Variants in SHISA9 observed in about 807,000 individuals in gnomAD.
SHISA9 encodes shisa family member 9.
In SHISA9, 13 loss-of-function variants were observed where a neutral mutation model predicts 38.0. That is an observed-to-expected ratio of 0.34 (90% CI 0.22 to 0.54). SHISA9 has a LOEUF of 0.54. Ranked by LOEUF, SHISA9 falls within the 20% of genes least tolerant of loss-of-function variation. The pLI is 0.91. For missense variants in SHISA9, 538 were observed against 575.8 expected, an observed-to-expected ratio of 0.93 and a Z score of 0.67; for synonymous variants, 275 against 242.0, an observed-to-expected ratio of 1.14 and a Z score of -1.27.
intron 2 of SHISA9, among the ~76,000 whole-genome samples, chr16:13,133,905 A>G (rs181542897): frequency 1.3e-5 from 2 of 152,336 alleles, no homozygotes; most frequent in East Asian, 1.9e-4. Flanking sequence ...CATTGTTTCA[A>G]ATTGCTTGTG....
chr16:12,926,015 C>A (rs567256198), intron 2 of SHISA9, among the ~76,000 whole-genome samples: 2 of 152,072 alleles, frequency 1.3e-5, no homozygotes, highest in Admixed American at 1.3e-4. Context: ...CGTGAGCCAC[C>A]GTGCCTGGAC....
chr16:13,324,478 A>G, the SHISA9 span, among the ~76,000 whole-genome samples: 3 of 152,112 alleles, frequency 2.0e-5, no homozygotes, highest in Non-Finnish European at 4.4e-5. Context: ...ATTAAGGCAG[A>G]GTGGTTCAAA....
chr16:13,481,669 G>C, the SHISA9 span, among the ~76,000 whole-genome samples: 1 of 152,170 alleles, frequency 6.6e-6, no homozygotes, highest in Non-Finnish European at 1.5e-5. Flanking sequence ...AGAGGCTACT[G>C]GGTAAATTAT....
chr16:13,003,268 A>C (rs11647144), intron 2 of SHISA9, among the ~76,000 whole-genome samples: 1 of 152,032 alleles, frequency 6.6e-6, no homozygotes, highest in South Asian at 2.1e-4. Context: ...AACCATGGAC[A>C]TGTTTCAAGG....
chr16:13,078,564 C>T (rs1204833375), intron 2 of SHISA9, among the ~76,000 whole-genome samples: 1 of 152,022 alleles, frequency 6.6e-6, no homozygotes, highest in Non-Finnish European at 1.5e-5. Context: ...CACCACCATG[C>T]CTGGATAATT....
chr16:12,932,936 C>A (rs62029751), intron 2 of SHISA9, among the ~76,000 whole-genome samples: 36,575 of 152,028 alleles, frequency 0.24, 4,821 homozygotes, highest in East Asian at 0.35. Context: ...CGTGTGCCAT[C>A]TATTTACTCT....
chr16:13,097,759 A>G (rs536066824), intron 2 of SHISA9, among the ~76,000 whole-genome samples: 1 of 152,070 alleles, frequency 6.6e-6, no homozygotes, highest in Non-Finnish European at 1.5e-5. Flanking sequence ...TCCTATATAG[A>G]GTGCAGCTTA....
At chr16:12,985,517 A>G (rs1342653292) in intron 2 of SHISA9, among the ~76,000 whole-genome samples, 1 of 152,080 alleles carries the variant, frequency 6.6e-6, no homozygotes, top group Non-Finnish European at 1.5e-5. Flanking sequence ...TTACGTTTTA[A>G]CTCTTGTTAC....
intron 2 of SHISA9, among the ~76,000 whole-genome samples, chr16:13,059,440 A>G (rs1405104495): frequency 6.6e-6 from 1 of 152,022 alleles, no homozygotes; most frequent in African/African-American, 2.4e-5. Flanking sequence ...CAGATAGACT[A>G]TTTACAGAGG....
chr16:13,527,889 TG>T, the SHISA9 span, among the ~76,000 whole-genome samples: 3 of 152,188 alleles, frequency 2.0e-5, no homozygotes, highest in Admixed American at 6.5e-5. Context: ...TCTATAGGAA[TG>T]GAATTTACAA....
At chr16:12,932,762 TAG>T (rs1272718747) in intron 2 of SHISA9, among the ~76,000 whole-genome samples, 3 of 152,106 alleles carry the variant, frequency 2.0e-5, no homozygotes, top group Non-Finnish European at 2.9e-5. Context: ...CCATCCAGAG[TAG>T]GCAAGTAGGT....
intron 2 of SHISA9, among the ~76,000 whole-genome samples, chr16:13,019,549 T>C (rs1179156353): frequency 1.3e-5 from 2 of 152,106 alleles, no homozygotes; most frequent in Non-Finnish European, 2.9e-5. Flanking sequence ...TAGGTGTACA[T>C]TTAATGGCGT....
At chr16:13,478,148 G>A in the SHISA9 span, among the ~76,000 whole-genome samples, 6 of 152,042 alleles carry the variant, frequency 3.9e-5, no homozygotes, top group African/African-American at 1.2e-4. Context: ...GGAACCTGCC[G>A]GGGAAACATG....
In SHISA9 at chr16:13,027,859, G is replaced by A. The variant is rs554528816; in HGVS notation, c.691+111044G>A. On this transcript the variant is annotated intron_variant, in intron 2 of 4. Coordinates refer to ENST00000558583, the MANE Select transcript of SHISA9 (RefSeq NM_001145204.3). Reference sequence around the variant, plus strand: ...GTAGAATCACTTGAACCCAGGAGGCGGAGGTTGTAGTGAGCCGAGACCACG... The same window carrying A: ...GTAGAATCACTTGAACCCAGGAGGCAGAGGTTGTAGTGAGCCGAGACCACG... Among the ~76,000 whole-genome samples, 26 of 149,956 alleles carry A rather than the reference G, an allele frequency of 1.7e-4. 1 individual carries two copies. In the East Asian group the frequency reaches 3.3e-3, roughly 19 times the overall value.
At position 13,013,666 on chromosome 16, in the gene SHISA9, C is replaced by T. The variant is rs1474970864; in HGVS notation, c.691+96851C>T. Among the ~76,000 whole-genome samples the T allele has an allele frequency of 2.0e-5, 3 of 152,288 alleles. No individual in the cohort carries two copies. The East Asian group carries it at 5.8e-4, about 29-fold the overall frequency. On this transcript the variant is annotated intron_variant, in intron 2 of 4. Transcript: ENST00000558583. The stretch of plus-strand genomic sequence containing the variant: ...CATCACTGTCACATCCCTTCACTGG[C>T]CACTGCTTTGCCCAGGTGTGCTAGA...
At chr16:13,068,960 T>C (rs2073469526) in intron 2 of SHISA9, among the ~76,000 whole-genome samples, 1 of 152,092 alleles carries the variant, frequency 6.6e-6, no homozygotes, top group African/African-American at 2.4e-5. Context: ...TATGTGTACA[T>C]ATGCATGTAT....
intron 2 of SHISA9, among the ~76,000 whole-genome samples, chr16:13,017,668 A>G (rs934910357): frequency 1.3e-5 from 2 of 152,174 alleles, no homozygotes; most frequent in Non-Finnish European, 1.5e-5. Context: ...AGTGTAGGTT[A>G]TACATTATCC....
At chr16:13,284,249 G>T in the SHISA9 span, among the ~76,000 whole-genome samples, 2 of 152,072 alleles carry the variant, frequency 1.3e-5, no homozygotes, top group Non-Finnish European at 2.9e-5. Context: ...CCTCTTTCAT[G>T]AATCACAATC....
At chr16:12,906,298 C>T (rs1204561996) in intron 1 of SHISA9, among the ~76,000 whole-genome samples, 1 of 152,178 alleles carries the variant, frequency 6.6e-6, no homozygotes, top group Non-Finnish European at 1.5e-5. Context: ...TGTTGTCGCA[C>T]CCCCATTATA....
Sources: allele counts gnomAD v4.1 joint callset (sites outside exome capture counted in the v4.1 genomes callset), GRCh38; gene constraint gnomAD v4.1.1; transcripts MANE v1.5; gene names NCBI Gene and HGNC (gene_info 2026-07-23, HGNC 2026-07-21).